RABGAP1L: variants seen among roughly 807,000 people sequenced by gnomAD.
RABGAP1L encodes the protein rab GTPase-activating protein 1-like.
Under a neutral mutation model 137.7 loss-of-function variants are expected in RABGAP1L, and 63 were observed. The ratio of observed to expected loss-of-function variants is 0.46; its 90% confidence interval spans 0.37 to 0.56. RABGAP1L has a LOEUF of 0.56. RABGAP1L is among the 20% of genes least tolerant of loss of function. The pLI, the probability that RABGAP1L is intolerant of heterozygous loss-of-function variation, is 0.00. For synonymous variants in RABGAP1L, 431 were observed against 433.7 expected (o/e 0.99, Z 0.08); for missense variants, 1,095 against 1,244.0 (o/e 0.88, Z 1.80).
chr1:174,293,490 G>A (rs966769678), intron 10 of RABGAP1L, among the ~76,000 whole-genome samples: 1 of 152,134 alleles, frequency 6.6e-6, no homozygotes, highest in African/African-American at 2.4e-5. Context: ...CTGGCTTAAA[G>A]CTTTACTGGT....
At chr1:174,498,147 T>C (rs899154690) in intron 13 of RABGAP1L, among the ~76,000 whole-genome samples, 20 of 152,200 alleles carry the variant, frequency 1.3e-4, no homozygotes, top group Non-Finnish European at 2.8e-4. Flanking sequence ...TTCACTGATA[T>C]GTATTTTTCA....
intron 17 of RABGAP1L, among the ~76,000 whole-genome samples, chr1:174,732,474 A>G (rs1196790131): frequency 2.0e-5 from 3 of 152,178 alleles, no homozygotes; most frequent in Admixed American, 6.5e-5. Context: ...TAGATGATTT[A>G]TAAGAGTCTT....
chr1:174,685,893 C>T (rs996789677), intron 15 of RABGAP1L, among the ~76,000 whole-genome samples: 7 of 152,064 alleles, frequency 4.6e-5, no homozygotes, highest in Admixed American at 1.3e-4. Flanking sequence ...TATTTGAGTT[C>T]AGGATATTCT....
chr1:174,273,463 G>A (rs1439050167), intron 8 of RABGAP1L, among the ~76,000 whole-genome samples: 1 of 151,844 alleles, frequency 6.6e-6, no homozygotes, highest in Admixed American at 6.6e-5. Flanking sequence ...TATAGAGGAA[G>A]CACTGCCTGA....
chr1:174,534,730 A>G (rs6688841), intron 13 of RABGAP1L, among the ~76,000 whole-genome samples: 2,991 of 139,532 alleles, frequency 0.021, 108 homozygotes, highest in African/African-American at 0.077. Context: ...AGCCGAGTTC[A>G]TGCCACTGCA....
At chr1:174,728,880 A>T (rs952475345) in intron 17 of RABGAP1L, among the ~76,000 whole-genome samples, 9 of 152,096 alleles carry the variant, frequency 5.9e-5, no homozygotes, top group Non-Finnish European at 1.3e-4. Context: ...ACCTCAGGTG[A>T]TCCACCCTCC....
intron 19 of RABGAP1L, among the ~76,000 whole-genome samples, chr1:174,867,803 GCTGA>G (rs1651539255): frequency 6.6e-6 from 1 of 152,050 alleles, no homozygotes; most frequent in South Asian, 2.1e-4. Context: ...ATGCCACCAG[GCTGA>G]CTAATTTTTG....
rs755558389 is a variant in RABGAP1L at position 174,946,940 on chromosome 1, ATG to A, written c.2341-10477_2341-10476del. On this transcript the variant is annotated intron_variant, in intron 19 of 25. Transcript: ENST00000681986. ...AAAATATATATATATATATATATAT[ATG>A]TGTGTGTGTGTGTGTGTGTGTGTGT... Among the ~76,000 whole-genome samples the A allele has an allele frequency of 9.1e-3, 554 of 60,880 alleles. 6 individuals carry two copies. Among genetic ancestry groups the A allele is most frequent in the African/African-American group, 0.018 (242 of 13,390 alleles). The allele number at this position is 60,880 out of a possible 152,430, so 39.9% of individuals were successfully genotyped here.
intron 19 of RABGAP1L, among the ~76,000 whole-genome samples, chr1:174,956,710 C>T (rs1416463987): frequency 4.0e-5 from 6 of 149,524 alleles, no homozygotes; most frequent in Non-Finnish European, 3.0e-5. Context: ...TGCAGTGGTA[C>T]AATCTTGGTT....
chr1:174,516,968 T>TAAATAAAA (rs1236530309), intron 13 of RABGAP1L, among the ~76,000 whole-genome samples: 95 of 145,526 alleles, frequency 6.5e-4, no homozygotes, highest in Non-Finnish European at 1.1e-3. Context: ...AATAAATAAA[T>TAAATAAAA]AAAATAAATT....
intron 11 of RABGAP1L, among the ~76,000 whole-genome samples, chr1:174,327,984 C>CAT (rs1314813386): frequency 6.1e-3 from 230 of 37,772 alleles, no homozygotes; most frequent in Admixed American, 0.011. Context: ...TATATACACA[C>CAT]ACATATATAT....
At chr1:174,901,208 A>T (rs1231136261) in intron 19 of RABGAP1L, among the ~76,000 whole-genome samples, 1 of 152,050 alleles carries the variant, frequency 6.6e-6, no homozygotes, top group East Asian at 1.9e-4. Context: ...TTTTATCATG[A>T]TTCTTAGCTT....
At chr1:174,600,965 G>A (rs923618514) in intron 13 of RABGAP1L, among the ~76,000 whole-genome samples, 2 of 152,230 alleles carry the variant, frequency 1.3e-5, no homozygotes, top group Admixed American at 6.5e-5. Context: ...GCCCCACCCT[G>A]AAGCAAACTT....
intron 19 of RABGAP1L, chr1:174,849,942 A>G: frequency 1.2e-5 from 8 of 691,686 alleles, no homozygotes; most frequent in South Asian, 1.1e-4. Context: ...CATGGAAGAC[A>G]CAGGATCTTT....
At chr1:174,410,802 T>C (rs1350205230) in intron 13 of RABGAP1L, among the ~76,000 whole-genome samples, 2 of 152,196 alleles carry the variant, frequency 1.3e-5, no homozygotes, top group Non-Finnish European at 2.9e-5. Context: ...TGAATAGAAA[T>C]AGCATTCAAT....
chr1:174,815,438 A>G (rs1334338618), intron 19 of RABGAP1L, among the ~76,000 whole-genome samples: 1 of 152,250 alleles, frequency 6.6e-6, no homozygotes, highest in East Asian at 1.9e-4. Flanking sequence ...AAAGTAATCA[A>G]GTTTTAAACA....
chr1:174,190,155 T>TA (rs1160238751), intron 1 of RABGAP1L, among the ~76,000 whole-genome samples: 4 of 151,818 alleles, frequency 2.6e-5, no homozygotes, highest in African/African-American at 9.7e-5. Context: ...ATACAAAAAT[T>TA]AGCTGGGCAT....
intron 13 of RABGAP1L, among the ~76,000 whole-genome samples, chr1:174,516,021 T>C (rs1467692601): frequency 1.3e-5 from 2 of 151,974 alleles, no homozygotes; most frequent in Non-Finnish European, 2.9e-5. Context: ...TGATAGTTCC[T>C]GGAAAATCAC....
intron 1 of RABGAP1L, among the ~76,000 whole-genome samples, chr1:174,212,306 T>C (rs762213550): frequency 3.3e-5 from 5 of 150,934 alleles, no homozygotes; most frequent in Non-Finnish European, 5.9e-5. Context: ...GAAACTTAGG[T>C]TGGTGCAAAA....
Sources: gnomAD v4.1 joint callset for allele counts (sites outside exome capture counted in the v4.1 genomes callset) on GRCh38, gnomAD v4.1.1 for gene constraint, MANE v1.5 for transcripts, NCBI Gene and HGNC (gene_info 2026-07-23, HGNC 2026-07-21) for gene names.